The following VPS37A variants were observed in gnomAD, a reference collection of about 807,000 sequenced individuals.
VPS37A encodes the protein vacuolar protein sorting-associated protein 37A.
Under a neutral mutation model 49.8 loss-of-function variants are expected in VPS37A, and 30 were observed. That is an observed-to-expected ratio of 0.60 (90% CI 0.45 to 0.82). The LOEUF (loss-of-function observed/expected upper bound fraction) is 0.82. Among genes scored for constraint, VPS37A ranks in the 40% least tolerant of loss-of-function variants. The pLI, the probability that VPS37A is intolerant of heterozygous loss-of-function variation, is 0.00. For missense variants in VPS37A, 593 were observed against 464.4 expected, an observed-to-expected ratio of 1.28 and a Z score of -2.55; for synonymous variants, 195 against 160.6, an observed-to-expected ratio of 1.21 and a Z score of -1.62.
chr8:17,250,097 T>C (rs1028195765), intron 1 of VPS37A, among the ~76,000 whole-genome samples: 9 of 152,228 alleles, frequency 5.9e-5, no homozygotes, highest in African/African-American at 7.2e-5. Context: ...CCTTTCTAGA[T>C]TTTTTGTAGG....
chr8:17,271,989 A>G, intron 4 of VPS37A: 1 of 456,750 alleles, frequency 2.2e-6, no homozygotes, highest in Non-Finnish European at 4.4e-6. Context: ...ACATTTTACT[A>G]CAGCCAGCTA....
intron 1 of VPS37A, among the ~76,000 whole-genome samples, chr8:17,260,572 TC>T (rs930249600): frequency 1.3e-5 from 2 of 152,184 alleles, no homozygotes; most frequent in African/African-American, 4.8e-5. Flanking sequence ...CCAGATGTTT[TC>T]TCTTTGCACA....
rs1311179355 is a variant in VPS37A at position 17,297,805 on chromosome 8, A to C, written c.*2819A>C. On this transcript the variant is annotated 3_prime_UTR_variant, in exon 12 of 12. Transcript: ENST00000324849. ...AAAGTACAGTAAAGTTTTAATAAGCAATAAATGTAACCTTTTATATAAATC... is the reference window on the plus strand; with the variant it reads ...AAAGTACAGTAAAGTTTTAATAAGCCATAAATGTAACCTTTTATATAAATC... The C allele has an allele frequency of 2.0e-5, 3 of 151,904 alleles. No individual in the cohort carries two copies. Among genetic ancestry groups the C allele is most frequent in the Admixed American group, 1.3e-4 (2 of 15,222 alleles). 9.4% of individuals were successfully genotyped at this position (151,904 alleles called of 1,614,324 possible). A position where few individuals can be genotyped will look rare whatever the true frequency, so the allele number is the denominator to read the frequency against.
the VPS37A span, among the ~76,000 whole-genome samples, chr8:17,316,588 C>T: frequency 6.6e-6 from 1 of 151,996 alleles, no homozygotes; most frequent in African/African-American, 2.4e-5. Context: ...GCACAGTTGG[C>T]CCTCTGTATT....
chr8:17,276,281 A>C lies in VPS37A; in HGVS notation c.643-116A>C, dbSNP rs1018775398. The C allele has an allele frequency of 5.2e-6, 4 of 764,202 alleles. No homozygotes were observed. The African/African-American group carries it at 7.2e-5, about 14-fold the overall frequency. The allele number at this position is 764,202 out of a possible 1,614,324, so 47.3% of individuals were successfully genotyped here. A position where few individuals can be genotyped will look rare whatever the true frequency, so the allele number is the denominator to read the frequency against. ...AGGCAGTGTGAGATGTGAAGATGAAAATATGATAATGCAAACAGTTATGGG... is the reference window on the plus strand; with the variant it reads ...AGGCAGTGTGAGATGTGAAGATGAACATATGATAATGCAAACAGTTATGGG... On this transcript the variant is annotated intron_variant, in intron 5 of 11. Coordinates refer to ENST00000324849, the MANE Select transcript of VPS37A (RefSeq NM_152415.3).
At chr8:17,277,299 G>C (rs1814601276) in intron 6 of VPS37A, among the ~76,000 whole-genome samples, 1 of 152,030 alleles carries the variant, frequency 6.6e-6, no homozygotes, top group Non-Finnish European at 1.5e-5. Context: ...TACATTAAAG[G>C]TTAATATGCA....
chr8:17,320,099 T>A, the VPS37A span, among the ~76,000 whole-genome samples: 2 of 152,120 alleles, frequency 1.3e-5, no homozygotes, highest in East Asian at 3.9e-4. Flanking sequence ...ATAGACGGGG[T>A]TAAATAAAAT....
chr8:17,300,724 C>T (rs542646730), downstream of VPS37A, among the ~76,000 whole-genome samples: 11 of 152,320 alleles, frequency 7.2e-5, 1 homozygote, highest in South Asian at 2.3e-3. Flanking sequence ...ACTGTCATCA[C>T]CTCCCCTGCC....
chr8:17,266,322 A>G (rs900636366), intron 2 of VPS37A, among the ~76,000 whole-genome samples: 1 of 152,204 alleles, frequency 6.6e-6, no homozygotes, highest in African/African-American at 2.4e-5. Flanking sequence ...TTAGAGATAG[A>G]TTCACCTTTA....
downstream of VPS37A, chr8:17,305,840 A>G (rs1294900177): frequency 1.5e-5 from 25 of 1,613,592 alleles, no homozygotes; most frequent in Non-Finnish European, 1.9e-5. Context: ...TGTGAATCAA[A>G]AACCTCTCAT....
At chr8:17,309,192 C>T in the VPS37A span, 47 of 933,744 alleles carry the variant, frequency 5.0e-5, no homozygotes, top group Middle Eastern at 2.6e-4. Flanking sequence ...AAAAACAAGA[C>T]GATTTTCCCC....
intron 4 of VPS37A, among the ~76,000 whole-genome samples, chr8:17,271,239 G>C (rs1002071757): frequency 6.6e-6 from 1 of 152,122 alleles, no homozygotes; most frequent in Admixed American, 6.6e-5. Context: ...AGAAATTAAG[G>C]GTCTGTTAGC....
intron 5 of VPS37A, among the ~76,000 whole-genome samples, chr8:17,276,148 C>T (rs1444492698): frequency 6.6e-6 from 1 of 151,870 alleles, no homozygotes; most frequent in Non-Finnish European, 1.5e-5. Context: ...AGAGAACTAC[C>T]AGTTCTCTAC....
chr8:17,330,062 C>A, the VPS37A span, among the ~76,000 whole-genome samples: 1 of 152,184 alleles, frequency 6.6e-6, no homozygotes, highest in African/African-American at 2.4e-5. Flanking sequence ...AACAAGTTAA[C>A]TGATGTGTTC....
At chr8:17,318,920 C>T in the VPS37A span, among the ~76,000 whole-genome samples, 2 of 152,220 alleles carry the variant, frequency 1.3e-5, no homozygotes, top group Non-Finnish European at 2.9e-5. Flanking sequence ...ACATCTCCAA[C>T]GTCTCCTGAA....
chr8:17,272,851 G>C (rs891803998), intron 4 of VPS37A, among the ~76,000 whole-genome samples: 1 of 88,810 alleles, frequency 1.1e-5, no homozygotes, highest in Middle Eastern at 4.3e-3. Flanking sequence ...GAAAATCTCC[G>C]TGTCACTTTT....
chr8:17,262,229 CGTT>C (rs1044486363), intron 1 of VPS37A, among the ~76,000 whole-genome samples: 96 of 152,044 alleles, frequency 6.3e-4, no homozygotes, highest in African/African-American at 2.3e-3. Context: ...TCTGGGATGT[CGTT>C]GGTGTTAATC....
At position 17,274,792 on chromosome 8, in the gene VPS37A, C is replaced by T. The variant is rs774904748; in HGVS notation, c.476C>T (p.Pro159Leu). The T allele has an allele frequency of 1.2e-6, 2 of 1,614,112 alleles. No homozygotes were observed. The highest frequency in any genetic ancestry group is 2.2e-5 in the East Asian group (1 of 44,868). ...GCTTCTCAGGGTTTTCCATTTCTTC[C>T]TCCATATCCTCCACAAGAAGCAAAC... ...PYASQGFPFL[P>L]PYPPQEANRS... Residue 159 changes from proline to leucine, a missense_variant, in exon 5 of 12, where the codon CCT becomes CTT. Transcript: ENST00000324849.
chr8:17,309,171 A>T, the VPS37A span: 4 of 751,252 alleles, frequency 5.3e-6, no homozygotes, highest in Non-Finnish European at 9.1e-6. Context: ...TGAATAAGAG[A>T]CACAAACTCA....
Sources: allele counts gnomAD v4.1 joint callset (sites outside exome capture counted in the v4.1 genomes callset), GRCh38; gene constraint gnomAD v4.1.1; transcripts MANE v1.5; gene names NCBI Gene and HGNC (gene_info 2026-07-23, HGNC 2026-07-21).